Variants in PPP2R2B observed in about 807,000 individuals in gnomAD.
The protein encoded by PPP2R2B is serine/threonine-protein phosphatase 2A 55 kDa regulatory subunit B beta isoform.
A neutral mutation model predicts 46.0 loss-of-function variants in PPP2R2B; 5 were observed. The observed-to-expected ratio is 0.11, with a 90% CI of 0.06 to 0.23. PPP2R2B has a LOEUF of 0.23. Ranked by LOEUF, PPP2R2B falls within the 10% of genes least tolerant of loss-of-function variation. PPP2R2B has a pLI of 1.00. For synonymous variants in PPP2R2B, 215 were observed against 206.7 expected (o/e 1.04, Z -0.34); for missense variants, 367 against 575.0 (o/e 0.64, Z 3.70).
intron 2 of PPP2R2B, among the ~76,000 whole-genome samples, chr5:146,859,791 T>C (rs949591882): frequency 7.2e-5 from 11 of 152,158 alleles, no homozygotes; most frequent in African/African-American, 2.7e-4. Context: ...TTTGGGTTTC[T>C]ATTCAAATTT....
upstream of PPP2R2B, chr5:147,056,271 A>G (rs1231520091): frequency 4.1e-6 from 1 of 241,198 alleles, no homozygotes; most frequent in Non-Finnish European, 6.7e-6. Flanking sequence ...TCTCAGGAAT[A>G]TTAAAGTACA....
At chr5:146,603,308 C>A (rs1346547819) in intron 7 of PPP2R2B, among the ~76,000 whole-genome samples, 1 of 152,194 alleles carries the variant, frequency 6.6e-6, no homozygotes, top group Non-Finnish European at 1.5e-5. Flanking sequence ...TTTACATTTT[C>A]TCTTCTTTAA....
chr5:146,836,018 T>C (rs546214251), intron 2 of PPP2R2B, among the ~76,000 whole-genome samples: 1 of 152,288 alleles, frequency 6.6e-6, no homozygotes, highest in South Asian at 2.1e-4. Context: ...ACCAACCGCA[T>C]TGGGTTGTTG....
chr5:146,786,213 A>G (rs1021014299), intron 2 of PPP2R2B, among the ~76,000 whole-genome samples: 2 of 152,222 alleles, frequency 1.3e-5, no homozygotes, highest in Non-Finnish European at 2.9e-5. Context: ...AGAATCACTC[A>G]AGATATGTAG....
intron 5 of PPP2R2B, among the ~76,000 whole-genome samples, chr5:146,656,225 T>G (rs1009109372): frequency 6.6e-6 from 1 of 151,712 alleles, no homozygotes; most frequent in African/African-American, 2.4e-5. Flanking sequence ...ATAGAAGGCC[T>G]CTCTGAGGGA....
intron 7 of PPP2R2B, among the ~76,000 whole-genome samples, chr5:146,625,831 C>T (rs1323648957): frequency 6.6e-6 from 1 of 152,004 alleles, no homozygotes; most frequent in African/African-American, 2.4e-5. Flanking sequence ...CTTGGATTAC[C>T]CAGGTGGGCC....
chr5:146,774,464 G>A (rs1755051644), intron 2 of PPP2R2B, among the ~76,000 whole-genome samples: 1 of 152,034 alleles, frequency 6.6e-6, no homozygotes, highest in Non-Finnish European at 1.5e-5. Flanking sequence ...CAAAAATAAA[G>A]TGGGGGGTTG....
chr5:146,999,226 A>G (rs1298734940), intron 1 of PPP2R2B, among the ~76,000 whole-genome samples: 1 of 152,140 alleles, frequency 6.6e-6, no homozygotes, highest in African/African-American at 2.4e-5. Context: ...CAAATTCTAC[A>G]GTAGAATAAA....
In PPP2R2B at chr5:147,036,247, T is replaced by C. The variant is rs117151469; in HGVS notation, c.79+19418A>G. On this transcript the variant is annotated intron_variant, in intron 1 of 8. Coordinates refer to the PPP2R2B transcript ENST00000336640. ...GTTCTCATCATTGAGCTCCCACTTA[T>C]AAGACATAACATGCAGTATTTGGTT... Among the ~76,000 whole-genome samples the C allele has an allele frequency of 0.011, 1,730 of 152,292 alleles. 102 individuals are homozygous for C. In the East Asian group the frequency reaches 0.18, roughly 16 times the overall value.
At chr5:146,881,614 T>C (rs1286701417), upstream of PPP2R2B, among the ~76,000 whole-genome samples, 1 of 152,110 alleles carries the variant, frequency 6.6e-6, no homozygotes, top group Non-Finnish European at 1.5e-5. Flanking sequence ...GGTTTTGCCA[T>C]GTTGGCCAGG....
At chr5:146,947,841 T>C (rs1292174971) in intron 1 of PPP2R2B, among the ~76,000 whole-genome samples, 1 of 151,868 alleles carries the variant, frequency 6.6e-6, no homozygotes, top group East Asian at 2.0e-4. Context: ...CTTTTGCTTA[T>C]GCTACCACTT....
intron 2 of PPP2R2B, among the ~76,000 whole-genome samples, chr5:146,842,264 T>G (rs559652892): frequency 3.5e-4 from 54 of 152,278 alleles, no homozygotes; most frequent in African/African-American, 1.3e-3. Context: ...TGCTGTACAT[T>G]TACAGCTTTC....
intron 2 of PPP2R2B, among the ~76,000 whole-genome samples, chr5:146,840,621 A>C (rs1344654434): frequency 2.0e-5 from 3 of 152,252 alleles, no homozygotes; most frequent in African/African-American, 4.8e-5. Flanking sequence ...TGTGACAGGC[A>C]GACTTCAAAA....
intron 1 of PPP2R2B, among the ~76,000 whole-genome samples, chr5:146,979,764 T>A (rs1272006353): frequency 6.6e-6 from 1 of 152,152 alleles, no homozygotes; most frequent in Non-Finnish European, 1.5e-5. Flanking sequence ...AGTCAGAGAT[T>A]AACAACAATA....
At chr5:146,917,174 A>C (rs1763419048) in intron 1 of PPP2R2B, among the ~76,000 whole-genome samples, 1 of 152,154 alleles carries the variant, frequency 6.6e-6, no homozygotes, top group Admixed American at 6.5e-5. Context: ...TTAGTGGCAA[A>C]AGCAAGCTGC....
intron 5 of PPP2R2B, among the ~76,000 whole-genome samples, chr5:146,680,580 C>G (rs1310150395): frequency 7.0e-6 from 1 of 142,280 alleles, no homozygotes; most frequent in Non-Finnish European, 1.5e-5. Flanking sequence ...GTTGCACACA[C>G]TTAAAAAAAA....
chr5:147,079,885 C>T (rs1757925390), intron 2 of PPP2R2B, among the ~76,000 whole-genome samples: 2 of 152,044 alleles, frequency 1.3e-5, no homozygotes, highest in South Asian at 4.1e-4. Flanking sequence ...AATGGATATG[C>T]TAATCATCTT....
chr5:146,842,565 T>A (rs1017095792), intron 2 of PPP2R2B, among the ~76,000 whole-genome samples: 10 of 150,936 alleles, frequency 6.6e-5, no homozygotes, highest in African/African-American at 2.2e-4. Flanking sequence ...GCCGTGGGGG[T>A]TTGTTACATA....
chr5:146,742,878 C>A (rs776895301), intron 2 of PPP2R2B, among the ~76,000 whole-genome samples: 1 of 151,994 alleles, frequency 6.6e-6, no homozygotes, highest in Non-Finnish European at 1.5e-5. Context: ...GCGATGAAGG[C>A]GAAGGCAGAG....
Sources: gnomAD v4.1 joint callset for allele counts (sites outside exome capture counted in the v4.1 genomes callset) on GRCh38, gnomAD v4.1.1 for gene constraint, MANE v1.5 for transcripts, NCBI Gene and HGNC (gene_info 2026-07-23, HGNC 2026-07-21) for gene names.